CS: variants seen among roughly 807,000 people sequenced by gnomAD.
The protein encoded by CS is citrate synthase, mitochondrial.
Under a neutral mutation model 61.4 loss-of-function variants are expected in CS, and 13 were observed. That is an observed-to-expected ratio of 0.21 (90% CI 0.14 to 0.34). The LOEUF (loss-of-function observed/expected upper bound fraction) is 0.34. Ranked by LOEUF, CS falls within the 10% of genes least tolerant of loss-of-function variation. The probability of loss-of-function intolerance (pLI) is 1.00; values close to 1 mark genes in which losing one functional copy is unlikely to be tolerated. For synonymous variants in CS, 159 were observed against 215.2 expected, an observed-to-expected ratio of 0.74 and a Z score of 2.29; for missense variants, 278 against 573.4, an observed-to-expected ratio of 0.48 and a Z score of 5.26.
At chr12:56,283,185 C>A (rs1872826998) in intron 4 of CS, among the ~76,000 whole-genome samples, 194 bp from the exon 5 acceptor site, 1 of 152,212 alleles carries the variant, frequency 6.6e-6, no homozygotes, top group Non-Finnish European at 1.5e-5. Context: ...TCCACCTTGG[C>A]CTCCAAAAGT....
intron 6 of CS, among the ~76,000 whole-genome samples, chr12:56,279,125 A>G (rs367712799): frequency 6.6e-6 from 1 of 152,308 alleles, no homozygotes; most frequent in East Asian, 1.9e-4. Flanking sequence ...ACTAAATTCA[A>G]CAGCTTAAGG....
intron 6 of CS, among the ~76,000 whole-genome samples, chr12:56,278,991 T>C (rs1198217198): frequency 6.6e-6 from 1 of 152,038 alleles, no homozygotes; most frequent in East Asian, 1.9e-4. Context: ...GCCAGACTGG[T>C]CTTGAACTCC....
At chr12:56,293,853 A>G (rs1873210728) in intron 1 of CS, among the ~76,000 whole-genome samples, 1 of 152,262 alleles carries the variant, frequency 6.6e-6, no homozygotes, top group African/African-American at 2.4e-5. Flanking sequence ...TAGCTGATGG[A>G]GCAAACACAA....
chr12:56,291,410 C>T (rs1187606824), intron 1 of CS: 6 of 393,336 alleles, frequency 1.5e-5, no homozygotes, highest in African/African-American at 2.2e-5. Context: ...TTAAGGGCTT[C>T]TTGACCAAGA....
chr12:56,273,794 A>C lies in CS; in HGVS notation c.1023T>G (p.Val341=), dbSNP rs375865192. The C allele has an allele frequency of 6.2e-7, 1 of 1,612,778 alleles. No homozygotes were observed. The highest frequency in any genetic ancestry group is 2.2e-5 in the East Asian group (1 of 44,872). The part of the protein sequence containing the change: ...YIWNTLNSGR[V]VPGYGHAVLR... ...GTACTGCATGGCCATAGCCTGGAAC[A>C]ACCTGTAAAGAGTGAGGAAAAAAGA... Residue 341 remains valine (V), a splice_region_variant and synonymous_variant, in exon 10 of 11, where the codon GTT becomes GTG. Coordinates refer to ENST00000351328, the MANE Select transcript of CS (RefSeq NM_004077.3).
intron 6 of CS, among the ~76,000 whole-genome samples, chr12:56,277,965 G>T (rs979374102): frequency 6.6e-6 from 1 of 151,942 alleles, no homozygotes; most frequent in Non-Finnish European, 1.5e-5. Flanking sequence ...TATGCAACAG[G>T]TACTGTGCTA....
chr12:56,280,436 A>AAAAAAC (rs1872747610), intron 6 of CS, among the ~76,000 whole-genome samples: 2 of 148,170 alleles, frequency 1.3e-5, no homozygotes, highest in Non-Finnish European at 3.0e-5. Flanking sequence ...AAAAAAAAAA[A>AAAAAAC]ACAAAAAAAT....
rs549195871 is a variant in CS, at chr12:56,286,617, C to T, written c.71G>A (p.Arg24Gln). The T allele has an allele frequency of 1.9e-5, 30 of 1,613,892 alleles. No homozygotes were observed. Among genetic ancestry groups the T allele is most frequent in the East Asian group, 8.9e-5 (4 of 44,862 alleles). ...TACCGTGGAGGAAGCACTGGCATGC[C>T]GGGCTGCAAGAACAAGACAAGATGC... ...KNASCLVLAARHASASSTNLK... is the reference protein window; with the variant it reads ...KNASCLVLAAQHASASSTNLK... Residue 24 changes from arginine to glutamine, a missense_variant, in exon 2 of 11, where the codon CGG becomes CAG. Physicochemically the swap from Arg to Gln is conservative, Grantham distance 43. Around this residue, in one of 2 missense-constraint regions of CS, gnomAD observed 55 missense variants for 69.9 expected, o/e 0.79. Transcript: ENST00000351328.
chr12:56,283,057 C>T, intron 4 of CS, 66 bp from the exon 5 acceptor site: 1 of 1,544,074 alleles, frequency 6.5e-7, no homozygotes, highest in Non-Finnish European at 8.9e-7. Context: ...ACTGGTCTTA[C>T]TCATCAGACC....
intron 1 of CS, among the ~76,000 whole-genome samples, chr12:56,286,934 T>C (rs1872956929): frequency 6.6e-6 from 1 of 152,198 alleles, no homozygotes; most frequent in African/African-American, 2.4e-5. Context: ...TATTTTTGAG[T>C]GACCCCAAGG....
At chr12:56,288,090 C>G (rs6581092) in intron 1 of CS, among the ~76,000 whole-genome samples, 3,074 of 152,294 alleles carry the variant, frequency 0.02, 55 homozygotes, top group Middle Eastern at 0.034. Flanking sequence ...AAGTTTCCTG[C>G]TCTATAAAAT....
rs527865879 is a variant in CS at position 56,286,458 on chromosome 12, A to G, written c.93+137T>C. Reference sequence around the variant, plus strand: ...TAGTAATATAATAATAATAGCAGCTATAACAATAACAATAGTAACAAACAC... The same window carrying G: ...TAGTAATATAATAATAATAGCAGCTGTAACAATAACAATAGTAACAAACAC... On this transcript the variant is annotated intron_variant, in intron 2 of 10. Transcript: ENST00000351328. 219 of 657,452 alleles carry G rather than the reference A, an allele frequency of 3.3e-4. No individual in the cohort carries two copies. In the African/African-American group the frequency reaches 3.6e-3, roughly 11 times the overall value. 40.7% of individuals were successfully genotyped at this position (657,452 alleles called of 1,614,324 possible).
rs368203816 is a variant in CS at position 56,280,425 on chromosome 12, C to CAA, written c.588+1993_588+1994dup. On this transcript the variant is annotated intron_variant, in intron 6 of 10. Transcript: ENST00000351328. ...GCAAGACACCGTCTCCCAAAAAAAA[C>CAA]AAAAAAAAAAAACAAAAAAATTAGC... Among the ~76,000 whole-genome samples, 1,014 of 118,782 alleles carry CAA rather than the reference C, an allele frequency of 8.5e-3. 47 individuals are homozygous for CAA. The highest frequency in any genetic ancestry group is 0.014 in the African/African-American group (437 of 31,952). 77.9% of individuals were successfully genotyped at this position (118,782 alleles called of 152,430 possible).
At chr12:56,294,653 A>G (rs952091971) in intron 1 of CS, among the ~76,000 whole-genome samples, 10 of 147,814 alleles carry the variant, frequency 6.8e-5, no homozygotes, top group African/African-American at 2.5e-4. Context: ...TGAAACCTCC[A>G]CCCCCTGGGT....
intron 1 of CS, among the ~76,000 whole-genome samples, chr12:56,292,201 T>C (rs953074396): frequency 6.6e-6 from 1 of 151,520 alleles, no homozygotes; most frequent in African/African-American, 2.4e-5. Context: ...ATCAAGACCA[T>C]CCTGGCTAAC....
chr12:56,275,196 G>A, intron 7 of CS, 65 bp from the exon 8 acceptor site: 1 of 1,602,228 alleles, frequency 6.2e-7, no homozygotes, highest in Non-Finnish European at 8.5e-7. Context: ...AAACTTTGCT[G>A]TTCTCTTATT....
rs753243143 is a variant in CS at position 56,273,272 on chromosome 12, A to G, written c.1231-18T>C. 1 of 1,611,446 alleles carries G rather than the reference A, an allele frequency of 6.2e-7. No homozygotes were observed. Among genetic ancestry groups the G allele is most frequent in the South Asian group, 1.1e-5 (1 of 90,700 alleles). On this transcript the variant is annotated intron_variant, in intron 10 of 10. Transcript: ENST00000351328. ...CCATAATACTGTAAGGTAGAAGAGA[A>G]AAATATTTCATTTAAGGCAGAGGCA...
intron 1 of CS, among the ~76,000 whole-genome samples, chr12:56,293,953 T>C (rs913722755): frequency 1.3e-5 from 2 of 151,972 alleles, no homozygotes; most frequent in Non-Finnish European, 2.9e-5. Flanking sequence ...CGAACACAAA[T>C]AGGACAAAGG....
chr12:56,286,427 G>A, intron 2 of CS, 168 bp downstream of exon 2: 1 of 582,004 alleles, frequency 1.7e-6, no homozygotes, highest in Non-Finnish European at 3.0e-6. Context: ...TAAATTATTT[G>A]TTAAATAGTA....
Sources: gnomAD v4.1 joint callset for allele counts (sites outside exome capture counted in the v4.1 genomes callset) on GRCh38, gnomAD v4.1.1 for gene constraint, gnomAD v4.1.1 regional missense constraint, MANE v1.5 for transcripts, NCBI Gene and HGNC (gene_info 2026-07-23, HGNC 2026-07-21) for gene names.